The following EIF4EBP1 variants were observed in gnomAD, a reference collection of about 807,000 sequenced individuals.
EIF4EBP1 encodes the protein eukaryotic translation initiation factor 4E binding protein 1.
EIF4EBP1 carries 5 observed loss-of-function variants against 9.2 expected under a neutral mutation model. The ratio of observed to expected loss-of-function variants is 0.54; its 90% CI spans 0.28 to 1.14. EIF4EBP1 has a LOEUF of 1.14. Among genes scored for constraint, EIF4EBP1 ranks in the 50% most tolerant of loss-of-function variants. The probability of loss-of-function intolerance (pLI) is 0.09; values close to 1 mark genes in which losing one functional copy is unlikely to be tolerated. For synonymous variants in EIF4EBP1, 62 were observed against 67.0 expected (o/e 0.93, Z 0.36); for missense variants, 139 against 169.6 (o/e 0.82, Z 1.00).
intron 1 of EIF4EBP1, among the ~76,000 whole-genome samples, chr8:38,033,106 C>G (rs1809248326): frequency 6.7e-6 from 1 of 148,908 alleles, no homozygotes; most frequent in African/African-American, 2.5e-5. Flanking sequence ...ACTCTATCAC[C>G]CAGGCTGGAG....
chr8:38,053,424 C>G (rs1423128748), intron 1 of EIF4EBP1, among the ~76,000 whole-genome samples: 1 of 152,026 alleles, frequency 6.6e-6, no homozygotes. Flanking sequence ...GCCATCTCAG[C>G]TCACTGCAGC....
intron 1 of EIF4EBP1, among the ~76,000 whole-genome samples, chr8:38,046,418 T>C (rs1367220596): frequency 6.6e-6 from 1 of 152,168 alleles, no homozygotes; most frequent in Non-Finnish European, 1.5e-5. Context: ...AAGTTTATGA[T>C]GGTTCTTGGT....
chr8:38,043,414 G>T (rs1426368580), intron 1 of EIF4EBP1, among the ~76,000 whole-genome samples: 3 of 149,548 alleles, frequency 2.0e-5, no homozygotes, highest in African/African-American at 7.5e-5. Context: ...GCCCAGGCTG[G>T]AGTGCAGTGG....
At chr8:38,030,817 G>T in intron 1 of EIF4EBP1, 99 bp downstream of exon 1, 4 of 1,358,256 alleles carry the variant, frequency 2.9e-6, no homozygotes, top group Non-Finnish European at 3.8e-6. Flanking sequence ...AGGGCGCCGT[G>T]ATTGGAAAGA....
Position 38,054,640 on chromosome 8 carries a change from A to T in EIF4EBP1, c.146-2441A>T, listed in dbSNP as rs1000279508. Among the ~76,000 whole-genome samples the T allele has an allele frequency of 8.5e-5, 13 of 152,132 alleles. 1 individual carries two copies. The highest frequency in any genetic ancestry group is 3.4e-3 in the Middle Eastern group (1 of 294). ...CTCTGGGCTTCCCTCCCCTCTGGGG[A>T]GGAGAGATTGTACAACCCCAAGCCT... On this transcript the variant is annotated intron_variant, in intron 1 of 2. Coordinates refer to ENST00000338825, the MANE Select transcript of EIF4EBP1 (RefSeq NM_004095.4).
At chr8:38,032,865 C>T (rs1416435474) in intron 1 of EIF4EBP1, among the ~76,000 whole-genome samples, 2 of 152,132 alleles carry the variant, frequency 1.3e-5, no homozygotes, top group Non-Finnish European at 2.9e-5. Flanking sequence ...CCCACCTCAG[C>T]CCACCTCTGC....
At chr8:38,039,444 C>T (rs570962595) in intron 1 of EIF4EBP1, among the ~76,000 whole-genome samples, 6 of 131,920 alleles carry the variant, frequency 4.5e-5, no homozygotes, top group African/African-American at 1.7e-4. Context: ...GTTGCTCTAT[C>T]GCCCAGGCTG....
At chr8:38,059,799 T>C (rs1809647027) in intron 2 of EIF4EBP1, 105 bp from the exon 3 acceptor site, 2 of 1,078,954 alleles carry the variant, frequency 1.9e-6, no homozygotes, top group South Asian at 2.8e-5. Context: ...ATTTTCTTTA[T>C]AAATTACCCA....
At chr8:38,042,294 G>T (rs1425689678) in intron 1 of EIF4EBP1, among the ~76,000 whole-genome samples, 1 of 152,236 alleles carries the variant, frequency 6.6e-6, no homozygotes, top group African/African-American at 2.4e-5. Flanking sequence ...AGAGGGTACA[G>T]TCGGGCTCAG....
intron 1 of EIF4EBP1, among the ~76,000 whole-genome samples, chr8:38,038,724 G>A (rs1809336108): frequency 6.6e-6 from 1 of 151,594 alleles, no homozygotes. Context: ...GCGATACGAG[G>A]TACATGCTCT....
intron 1 of EIF4EBP1, among the ~76,000 whole-genome samples, chr8:38,043,405 C>A (rs1809409725): frequency 6.8e-6 from 1 of 146,390 alleles, no homozygotes. Flanking sequence ...TGCTCTGTTG[C>A]CCAGGCTGGA....
rs1809646182 is a variant in EIF4EBP1, at chr8:38,059,772, A to C, written c.326-132A>C. Reference sequence around the variant, plus strand: ...CTCCATCTCAAAAAAAAAAAACAAAAAAACAAAAAAAAACTTATTTTCTTT... The same window carrying C: ...CTCCATCTCAAAAAAAAAAAACAAACAAACAAAAAAAAACTTATTTTCTTT... On this transcript the variant is annotated intron_variant, in intron 2 of 2. Transcript: ENST00000338825. 5 of 966,140 alleles carry C rather than the reference A, an allele frequency of 5.2e-6. No homozygotes were observed. In the South Asian group the frequency reaches 7.6e-5, roughly 15 times the overall value. 59.8% of individuals were successfully genotyped at this position (966,140 alleles called of 1,614,324 possible).
chr8:38,031,775 T>G (rs1809225456), intron 1 of EIF4EBP1, among the ~76,000 whole-genome samples: 1 of 152,154 alleles, frequency 6.6e-6, no homozygotes, highest in Non-Finnish European at 1.5e-5. Context: ...TTAGAACGGT[T>G]AGGGATCTTG....
chr8:38,057,006 A>T (rs1191781533), intron 1 of EIF4EBP1, 75 bp from the exon 2 acceptor site: 14 of 1,503,864 alleles, frequency 9.3e-6, no homozygotes, highest in Non-Finnish European at 1.2e-5. Context: ...TACTGCAGCC[A>T]CGCCTTTAAA....
rs984706127 is a variant in EIF4EBP1 at position 38,030,550 on chromosome 8, C to T, written c.-24C>T. 14 of 1,492,494 alleles carry T rather than the reference C, an allele frequency of 9.4e-6. No homozygotes were observed. In the African/African-American group the frequency reaches 1.9e-4, roughly 20 times the overall value. 92.5% of individuals were successfully genotyped at this position (1,492,494 alleles called of 1,614,324 possible). A position where few individuals can be genotyped will look rare whatever the true frequency, so the allele number is the denominator to read the frequency against. ...AGGCGCGGGAGGGCAGCGAGAGGTTCGCGGGTGCAGCGCACAGGAGACCAT... is the reference window on the plus strand; with the variant it reads ...AGGCGCGGGAGGGCAGCGAGAGGTTTGCGGGTGCAGCGCACAGGAGACCAT... On this transcript the variant is annotated 5_prime_UTR_variant, in exon 1 of 3. Coordinates refer to ENST00000338825, the MANE Select transcript of EIF4EBP1 (RefSeq NM_004095.4).
chr8:38,059,371 T>C (rs1809638099), intron 2 of EIF4EBP1, among the ~76,000 whole-genome samples: 1 of 152,168 alleles, frequency 6.6e-6, no homozygotes, highest in Non-Finnish European at 1.5e-5. Flanking sequence ...CTTTCCACCA[T>C]GACGAAAAGC....
chr8:38,035,986 C>T (rs1444550840), intron 1 of EIF4EBP1, among the ~76,000 whole-genome samples: 2 of 151,350 alleles, frequency 1.3e-5, no homozygotes, highest in African/African-American at 4.9e-5. Flanking sequence ...ACATTACAGC[C>T]ATGAGTCACC....
intron 1 of EIF4EBP1, among the ~76,000 whole-genome samples, chr8:38,038,283 T>C (rs1585522904): frequency 6.6e-6 from 1 of 151,102 alleles, no homozygotes; most frequent in Non-Finnish European, 1.5e-5. Flanking sequence ...CTGAGGTGGG[T>C]GGATCACGAG....
chr8:38,050,547 A>G (rs903876901), intron 1 of EIF4EBP1, among the ~76,000 whole-genome samples: 1 of 151,934 alleles, frequency 6.6e-6, no homozygotes, highest in African/African-American at 2.4e-5. Flanking sequence ...ACAGGGTTTT[A>G]CCGTGTTGCT....
Sources: gnomAD v4.1 joint callset for allele counts (sites outside exome capture counted in the v4.1 genomes callset) on GRCh38, gnomAD v4.1.1 for gene constraint, MANE v1.5 for transcripts, NCBI Gene and HGNC (gene_info 2026-07-23, HGNC 2026-07-21) for gene names.